Variants in RFX3 observed in about 807,000 individuals in gnomAD.
The protein encoded by RFX3 is regulatory factor X3, also known as transcription factor RFX3.
Under a neutral mutation model 98.6 loss-of-function variants are expected in RFX3, and 14 were observed. That is an observed-to-expected ratio of 0.14 (90% CI 0.09 to 0.22). The LOEUF (loss-of-function observed/expected upper bound fraction) is 0.22, where lower values mean the gene tolerates loss of function less well. Ranked by LOEUF, RFX3 falls within the 10% of genes least tolerant of loss-of-function variation. The pLI is 1.00. For missense variants in RFX3, 639 were observed against 926.9 expected, an observed-to-expected ratio of 0.69 and a Z score of 4.03; for synonymous variants, 383 against 328.4, an observed-to-expected ratio of 1.17 and a Z score of -1.80.
At chr9:3,393,391 C>CT (rs1245574171) in intron 2 of RFX3, among the ~76,000 whole-genome samples, 2 of 151,826 alleles carry the variant, frequency 1.3e-5, no homozygotes, top group African/African-American at 2.4e-5. Context: ...AAAAAGAAAA[C>CT]TTTTTTTTCA....
intron 1 of RFX3, among the ~76,000 whole-genome samples, chr9:3,475,152 T>C (rs1388359830): frequency 2.7e-5 from 4 of 148,094 alleles, no homozygotes; most frequent in Non-Finnish European, 4.5e-5. Context: ...GGAAGGTAGG[T>C]TGCCAACTAT....
At chr9:3,420,491 T>C (rs1024748544) in intron 1 of RFX3, among the ~76,000 whole-genome samples, 1 of 152,100 alleles carries the variant, frequency 6.6e-6, no homozygotes, top group African/African-American at 2.4e-5. Flanking sequence ...TTTTAAGAGG[T>C]AGTATAGATA....
intron 1 of RFX3, among the ~76,000 whole-genome samples, chr9:3,460,067 T>G (rs1847551413): frequency 6.6e-6 from 1 of 152,068 alleles, no homozygotes; most frequent in Non-Finnish European, 1.5e-5. Flanking sequence ...GATGGTTGGT[T>G]ACATATCAAA....
At chr9:3,399,082 G>A (rs13439926) in intron 1 of RFX3, among the ~76,000 whole-genome samples, 7 of 151,930 alleles carry the variant, frequency 4.6e-5, no homozygotes, top group Admixed American at 3.3e-4. Flanking sequence ...GTTTGACTCA[G>A]AGTGATTACA....
Position 3,220,366 on chromosome 9 carries a change from C to T in RFX3, c.*4676G>A, listed in dbSNP as rs960802166. 1.9e-4 allele frequency: 29 copies of T among 151,628 alleles called. No homozygotes were observed. The highest frequency in any genetic ancestry group is 7.0e-4 in the African/African-American group (29 of 41,220). 9.4% of individuals were successfully genotyped at this position (151,628 alleles called of 1,614,324 possible). ...AAAGACAAAAAAAAAAGAAACTTAA[C>T]CCTTTCTTTATACCTTTTAAAGGCA... On this transcript the variant is annotated 3_prime_UTR_variant, in exon 17 of 17. Coordinates refer to ENST00000617270, the MANE Select transcript of RFX3 (RefSeq NM_001282116.2).
chr9:3,426,123 C>T (rs962352958), intron 1 of RFX3, among the ~76,000 whole-genome samples: 4 of 152,032 alleles, frequency 2.6e-5, no homozygotes, highest in Admixed American at 6.6e-5. Context: ...TTATGAACAA[C>T]GTTTCTGTTT....
rs76867757 is a variant in RFX3, at chr9:3,510,076, G to C, written c.-9+15671C>G. 9.1e-4 allele frequency among the ~76,000 whole-genome samples: 138 copies of C among 152,106 alleles called. No homozygotes were observed. In the East Asian group the frequency reaches 0.025, roughly 28 times the overall value. On this transcript the variant is annotated intron_variant, in intron 1 of 16. Transcript: ENST00000617270. ...CCATTTGGAAACATGTGTGACTCTAGTGAGAGACCTTTTCACCTCTCTAAT... is the reference window on the plus strand; with the variant it reads ...CCATTTGGAAACATGTGTGACTCTACTGAGAGACCTTTTCACCTCTCTAAT...
rs962375098 is a variant in RFX3, at chr9:3,257,305, T to A, written c.1606-106A>T. 18 of 859,822 alleles carry A rather than the reference T, an allele frequency of 2.1e-5. No individual in the cohort carries two copies. The African/African-American group carries it at 2.7e-4, about 13-fold the overall frequency. The allele number at this position is 859,822 out of a possible 1,614,324, so 53.3% of individuals were successfully genotyped here. On this transcript the variant is annotated intron_variant, in intron 13 of 16. Transcript: ENST00000617270. ...AGAACAGAAAATTATAATAAAAGCT[T>A]CACACAGTTAAATGAATCCAGAAAA...
chr9:3,488,885 C>T (rs1850500244), intron 1 of RFX3: 2 of 984,824 alleles, frequency 2.0e-6, no homozygotes, highest in Non-Finnish European at 2.4e-6. Flanking sequence ...CTAGAGTATC[C>T]TCCATGGCTG....
intron 1 of RFX3, among the ~76,000 whole-genome samples, chr9:3,424,157 G>C (rs1461943009): frequency 6.7e-6 from 1 of 149,924 alleles, no homozygotes; most frequent in African/African-American, 2.5e-5. Flanking sequence ...AAAAAAAAAA[G>C]AAGAAGAACT....
At chr9:3,246,094 A>G (rs1263977615) in intron 15 of RFX3, among the ~76,000 whole-genome samples, 2 of 152,222 alleles carry the variant, frequency 1.3e-5, no homozygotes, top group Non-Finnish European at 2.9e-5. Context: ...TCAAACCTAT[A>G]AAATTAGTCT....
intron 1 of RFX3, among the ~76,000 whole-genome samples, chr9:3,455,777 T>C (rs1022768045): frequency 6.6e-6 from 1 of 152,224 alleles, no homozygotes; most frequent in African/African-American, 2.4e-5. Flanking sequence ...ATAATAAAGT[T>C]CCCAGATACT....
chr9:3,432,134 T>C (rs1844709932), intron 1 of RFX3, among the ~76,000 whole-genome samples: 1 of 152,170 alleles, frequency 6.6e-6, no homozygotes, highest in Non-Finnish European at 1.5e-5. Flanking sequence ...CTGGATTGGT[T>C]CCACTGATTC....
intron 1 of RFX3, among the ~76,000 whole-genome samples, chr9:3,524,839 A>G (rs1248172655): frequency 9.2e-6 from 1 of 108,648 alleles, no homozygotes; most frequent in African/African-American, 5.2e-5. Flanking sequence ...ACACACACAC[A>G]CACACACACA....
chr9:3,454,966 CG>C (rs1433638234), intron 1 of RFX3, among the ~76,000 whole-genome samples: 2 of 152,172 alleles, frequency 1.3e-5, no homozygotes, highest in Non-Finnish European at 2.9e-5. Context: ...TCTCCCACCT[CG>C]TCTTCAGAAC....
intron 1 of RFX3, among the ~76,000 whole-genome samples, chr9:3,478,573 T>A (rs1032196784): frequency 2.6e-5 from 4 of 152,162 alleles, no homozygotes; most frequent in African/African-American, 9.7e-5. Flanking sequence ...GAAATCTTCA[T>A]GAGAAGTCAT....
chr9:3,237,747 T>C (rs1819356349), intron 15 of RFX3, among the ~76,000 whole-genome samples: 1 of 152,220 alleles, frequency 6.6e-6, no homozygotes, highest in Non-Finnish European at 1.5e-5. Flanking sequence ...GGATATTATA[T>C]ATAACTTTCC....
intron 1 of RFX3, among the ~76,000 whole-genome samples, chr9:3,477,815 GTCTTTTGAGACTCTGT>G (rs796158539): frequency 2.1e-4 from 32 of 152,150 alleles, no homozygotes; most frequent in African/African-American, 7.7e-4. Flanking sequence ...AGTCACATAA[GTCTTTTGAGACTCTGT>G]TCATTTTTCT....
chr9:3,452,689 C>T (rs922672985), intron 1 of RFX3, among the ~76,000 whole-genome samples: 1 of 152,214 alleles, frequency 6.6e-6, no homozygotes, highest in African/African-American at 2.4e-5. Flanking sequence ...AAAAGACATA[C>T]TTTGCACTCT....
Sources: gnomAD v4.1 joint callset for allele counts (sites outside exome capture counted in the v4.1 genomes callset) on GRCh38, gnomAD v4.1.1 for gene constraint, MANE v1.5 for transcripts, NCBI Gene and HGNC (gene_info 2026-07-23, HGNC 2026-07-21) for gene names.